Variants in DLG2 observed in about 807,000 individuals in gnomAD.
The protein encoded by DLG2 is discs large MAGUK scaffold protein 2.
Under a neutral mutation model 132.5 loss-of-function variants are expected in DLG2, and 45 were observed. That is an observed-to-expected ratio of 0.34 (90% CI 0.27 to 0.44). The LOEUF (loss-of-function observed/expected upper bound fraction) is 0.44, where lower values mean the gene tolerates loss of function less well. Among genes scored for constraint, DLG2 ranks in the 20% least tolerant of loss-of-function variants. The pLI is 1.00. For synonymous variants in DLG2, 424 were observed against 419.6 expected, an observed-to-expected ratio of 1.01 and a Z score of -0.13; for missense variants, 1,045 against 1,196.9, an observed-to-expected ratio of 0.87 and a Z score of 1.87.
intron 6 of DLG2, among the ~76,000 whole-genome samples, chr11:84,878,028 G>T (rs2086668440): frequency 6.6e-6 from 1 of 152,196 alleles, no homozygotes. Flanking sequence ...TCTCATGCCA[G>T]TGAGAATGGC....
At chr11:84,790,148 T>A (rs983778583) in intron 6 of DLG2, among the ~76,000 whole-genome samples, 3 of 152,236 alleles carry the variant, frequency 2.0e-5, no homozygotes, top group Non-Finnish European at 4.4e-5. Context: ...TTTAGTTTTT[T>A]TTAGGAACTC....
intron 6 of DLG2, among the ~76,000 whole-genome samples, chr11:85,004,703 T>C (rs750163390): frequency 1.1e-4 from 16 of 152,192 alleles, no homozygotes; most frequent in Non-Finnish European, 2.2e-4. Flanking sequence ...TTTAATTATT[T>C]TGCTATGCAG....
At chr11:85,472,183 A>G (rs1488932414) in intron 3 of DLG2, among the ~76,000 whole-genome samples, 1 of 152,104 alleles carries the variant, frequency 6.6e-6, no homozygotes, top group Non-Finnish European at 1.5e-5. Flanking sequence ...CCATGGACCA[A>G]TTGGCACACA....
At chr11:83,819,496 GAAAAGAAA>G (rs1394880476) in intron 17 of DLG2, among the ~76,000 whole-genome samples, 7,686 of 94,672 alleles carry the variant, frequency 0.081, 1,215 homozygotes, top group African/African-American at 0.16. Flanking sequence ...AAAAAAAGAA[GAAAAGAAA>G]AAGAAAAGAA....
intron 19 of DLG2, among the ~76,000 whole-genome samples, chr11:83,569,422 T>G (rs1232408312): frequency 6.6e-6 from 1 of 152,196 alleles, no homozygotes; most frequent in Non-Finnish European, 1.5e-5. Context: ...GCCATCTTAT[T>G]GAATTTTTTG....
intron 7 of DLG2, among the ~76,000 whole-genome samples, chr11:84,488,944 T>C (rs559957972): frequency 6.6e-6 from 1 of 152,288 alleles, no homozygotes; most frequent in South Asian, 2.1e-4. Flanking sequence ...GTAAGGTATA[T>C]TCACTGGAAT....
At chr11:84,741,055 T>C (rs1476346656) in intron 6 of DLG2, among the ~76,000 whole-genome samples, 2 of 131,192 alleles carry the variant, frequency 1.5e-5, no homozygotes, top group Admixed American at 7.7e-5. Flanking sequence ...GTGCCTATGC[T>C]CTTTTTTTTT....
intron 6 of DLG2, among the ~76,000 whole-genome samples, chr11:84,880,358 G>T (rs138711142): frequency 6.6e-6 from 1 of 152,134 alleles, no homozygotes; most frequent in African/African-American, 2.4e-5. Context: ...ACATTAAAGT[G>T]CCCAGCCACC....
At chr11:84,973,148 G>A (rs980091154) in intron 6 of DLG2, among the ~76,000 whole-genome samples, 33 of 151,852 alleles carry the variant, frequency 2.2e-4, no homozygotes, top group Middle Eastern at 3.4e-3. Flanking sequence ...TAGTAGAGAC[G>A]GGGTTTCGCC....
chr11:83,989,038 G>A (rs149634664), intron 11 of DLG2, among the ~76,000 whole-genome samples: 6 of 152,194 alleles, frequency 3.9e-5, no homozygotes, highest in African/African-American at 1.2e-4. Flanking sequence ...TATGTATTAA[G>A]TGAAAGAATG....
chr11:85,388,441 A>G (rs1450407081), intron 3 of DLG2, among the ~76,000 whole-genome samples: 2 of 152,094 alleles, frequency 1.3e-5, no homozygotes, highest in Admixed American at 6.5e-5. Context: ...AAACCTGAAT[A>G]CTTATCCAAA....
In DLG2 at chr11:84,714,533, C is replaced by T. The variant is rs560248085; in HGVS notation, c.358-179802G>A. On this transcript the variant is annotated intron_variant, in intron 6 of 27. Transcript: ENST00000376104. ...GGAGCCCACAACCCATTTCCTCTTTCTCTTTCTCTTTCTCTTTCTCTCTCT... is the reference window on the plus strand; with the variant it reads ...GGAGCCCACAACCCATTTCCTCTTTTTCTTTCTCTTTCTCTTTCTCTCTCT... 1.2e-3 allele frequency among the ~76,000 whole-genome samples: 132 copies of T among 108,346 alleles called. 3 individuals are homozygous for T. Among genetic ancestry groups the T allele is most frequent in the African/African-American group, 8.2e-3 (123 of 15,010 alleles). The allele number at this position is 108,346 out of a possible 152,430, so 71.1% of individuals were successfully genotyped here. A position where few individuals can be genotyped will look rare whatever the true frequency, so the allele number is the denominator to read the frequency against.
At chr11:84,763,016 G>A (rs1375095920) in intron 6 of DLG2, among the ~76,000 whole-genome samples, 3 of 152,098 alleles carry the variant, frequency 2.0e-5, no homozygotes, top group African/African-American at 7.2e-5. Context: ...TCATAGACAT[G>A]CCATTCACTC....
chr11:84,094,096 C>T (rs756523313), intron 10 of DLG2, among the ~76,000 whole-genome samples: 1 of 151,950 alleles, frequency 6.6e-6, no homozygotes, highest in African/African-American at 2.4e-5. Context: ...TGTTTTTCTG[C>T]ATTATAGCTT....
At chr11:83,686,172 C>A (rs576517710) in intron 18 of DLG2, among the ~76,000 whole-genome samples, 1 of 152,236 alleles carries the variant, frequency 6.6e-6, no homozygotes, top group East Asian at 1.9e-4. Context: ...AATTCAGACA[C>A]CAACACTCCT....
intron 7 of DLG2, among the ~76,000 whole-genome samples, chr11:84,421,563 C>T (rs2098950919): frequency 6.6e-6 from 1 of 152,180 alleles, no homozygotes; most frequent in Non-Finnish European, 1.5e-5. Context: ...ATACACTCTC[C>T]ACATTCTGCT....
chr11:85,072,940 C>T (rs1360175856), intron 6 of DLG2, among the ~76,000 whole-genome samples: 1 of 151,746 alleles, frequency 6.6e-6, no homozygotes, highest in Non-Finnish European at 1.5e-5. Context: ...TACAAAACAA[C>T]AACCTAATGC....
At chr11:83,890,574 C>A (rs758791030) in intron 15 of DLG2, among the ~76,000 whole-genome samples, 1 of 152,184 alleles carries the variant, frequency 6.6e-6, no homozygotes, top group Non-Finnish European at 1.5e-5. Context: ...TCTCACCTTT[C>A]TTAATGAGGT....
At chr11:84,799,476 G>C (rs2075100604) in intron 6 of DLG2, among the ~76,000 whole-genome samples, 1 of 152,092 alleles carries the variant, frequency 6.6e-6, no homozygotes, top group Non-Finnish European at 1.5e-5. Flanking sequence ...TTAAAACCAG[G>C]TATTGTGATT....
Sources: allele counts gnomAD v4.1 joint callset (sites outside exome capture counted in the v4.1 genomes callset), GRCh38; gene constraint gnomAD v4.1.1; transcripts MANE v1.5; gene names NCBI Gene and HGNC (gene_info 2026-07-23, HGNC 2026-07-21).